The following HDAC4 variants were observed in gnomAD, a reference collection of about 807,000 sequenced individuals.
HDAC4 encodes histone deacetylase A.
A neutral mutation model predicts 135.1 loss-of-function variants in HDAC4; 16 were observed. The observed-to-expected ratio is 0.12, with a 90% confidence interval of 0.08 to 0.18. The LOEUF (loss-of-function observed/expected upper bound fraction) is 0.18. Ranked by LOEUF, HDAC4 falls within the 10% of genes least tolerant of loss-of-function variation. The probability of loss-of-function intolerance (pLI) is 1.00; values close to 1 mark genes in which losing one functional copy is unlikely to be tolerated. For missense variants in HDAC4, 1,143 were observed against 1,511.8 expected, an observed-to-expected ratio of 0.76 and a Z score of 4.05; for synonymous variants, 685 against 653.4, an observed-to-expected ratio of 1.05 and a Z score of -0.74.
intron 2 of HDAC4, among the ~76,000 whole-genome samples, chr2:239,337,273 G>A (rs1250192016): frequency 6.6e-6 from 1 of 152,172 alleles, no homozygotes; most frequent in Non-Finnish European, 1.5e-5. Flanking sequence ...GTGAGACTCA[G>A]CTGTACTCAC....
rs2040218265 is a variant in HDAC4 at position 239,126,748 on chromosome 2, G to C, written c.1295-54C>G. On this transcript the variant is annotated intron_variant, in intron 11 of 26. Coordinates refer to ENST00000543185, the MANE Select transcript of HDAC4 (RefSeq NM_001378414.1). Reference sequence around the variant, plus strand: ...GAGGGGAAGAGGAAGAAGAGAGGAGGGAGAGAGGGCTATTGAGTAAGTGAT... The same window carrying C: ...GAGGGGAAGAGGAAGAAGAGAGGAGCGAGAGAGGGCTATTGAGTAAGTGAT... 10 of 1,561,420 alleles carry C rather than the reference G, an allele frequency of 6.4e-6. No individual in the cohort carries two copies. In the East Asian group the frequency reaches 1.1e-4, roughly 17 times the overall value.
intron 2 of HDAC4, among the ~76,000 whole-genome samples, chr2:239,342,741 G>T (rs1354453979): frequency 6.6e-6 from 1 of 152,190 alleles, no homozygotes; most frequent in Non-Finnish European, 1.5e-5. Flanking sequence ...AGTACAGTGA[G>T]GGCTGAGGGA....
At chr2:239,378,987 A>G (rs1300624966) in intron 1 of HDAC4, among the ~76,000 whole-genome samples, 1 of 152,094 alleles carries the variant, frequency 6.6e-6, no homozygotes, top group Non-Finnish European at 1.5e-5. Flanking sequence ...CCGCTCACTC[A>G]CTGGCACACA....
In HDAC4 at chr2:239,308,667, TC is replaced by T. The variant is rs1439526088; in HGVS notation, c.22+44010del. On this transcript the variant is annotated intron_variant, in intron 2 of 26. Transcript: ENST00000543185. The surrounding 1 kb of genome is among the most constrained non-coding windows in gnomAD (Gnocchi z 4.2). ...CCAGGCAGAGTGTGGTTAACAGGCCTCCGGGTGTCCCCCCCTTCCAGCCCAG... is the reference window on the plus strand; with the variant it reads ...CCAGGCAGAGTGTGGTTAACAGGCCTCGGGTGTCCCCCCCTTCCAGCCCAG... Among the ~76,000 whole-genome samples, 1 of 147,856 alleles carries T rather than the reference TC, an allele frequency of 6.8e-6. No individual in the cohort carries two copies. The highest frequency in any genetic ancestry group is 1.5e-5 in the Non-Finnish European group (1 of 64,876).
chr2:239,282,660 CCCACTCTACAATGTACACA>C lies in HDAC4; in HGVS notation c.23-46015_23-45997del, dbSNP rs796786095. 4.8e-4 allele frequency among the ~76,000 whole-genome samples: 67 copies of C among 139,752 alleles called. 1 individual carries two copies. The South Asian group carries it at 8.2e-3, about 17-fold the overall frequency. 91.7% of individuals were successfully genotyped at this position (139,752 alleles called of 152,430 possible). Reference sequence around the variant, plus strand: ...ACACCACTCTACAAACAATGTACACCCCACTCTACAATGTACACACCACTCTACAATGTACACACCACTC... The same window carrying C: ...ACACCACTCTACAAACAATGTACACCCCACTCTACAATGTACACACCACTC... On this transcript the variant is annotated intron_variant, in intron 2 of 26. Transcript: ENST00000543185.
chr2:239,082,741 A>G (rs2152689682), intron 20 of HDAC4, among the ~76,000 whole-genome samples: 1 of 152,394 alleles, frequency 6.6e-6, no homozygotes, highest in African/African-American at 2.4e-5. Flanking sequence ...AGGCACACAC[A>G]GTACGGGGTC....
chr2:239,168,792 A>G (rs1575272343), intron 5 of HDAC4, among the ~76,000 whole-genome samples: 1 of 152,166 alleles, frequency 6.6e-6, no homozygotes, highest in Non-Finnish European at 1.5e-5. Flanking sequence ...ACAAGACCAC[A>G]CTCTGAGGGC....
chr2:239,261,303 A>T (rs995504878), intron 2 of HDAC4, among the ~76,000 whole-genome samples: 1 of 152,210 alleles, frequency 6.6e-6, no homozygotes, highest in Admixed American at 6.5e-5. Context: ...GAGCCCAGGT[A>T]ACACGCTAGA....
At chr2:239,291,962 C>T (rs528893806) in intron 2 of HDAC4, among the ~76,000 whole-genome samples, 28 of 152,354 alleles carry the variant, frequency 1.8e-4, no homozygotes, top group African/African-American at 6.0e-4. Flanking sequence ...ACTGATGGGG[C>T]AGGATGCTGG....
chr2:239,251,370 T>C (rs1029289478), intron 2 of HDAC4, among the ~76,000 whole-genome samples: 6 of 152,162 alleles, frequency 3.9e-5, no homozygotes, highest in Non-Finnish European at 8.8e-5. Context: ...GAGGCGGGAA[T>C]ATTGCTTGAG....
intron 5 of HDAC4, among the ~76,000 whole-genome samples, chr2:239,166,668 A>T (rs146872710): frequency 7.2e-5 from 11 of 152,366 alleles, no homozygotes; most frequent in African/African-American, 2.6e-4. Flanking sequence ...TTCCTAAAAG[A>T]TTATCAGCAA....
At chr2:239,079,577 G>A (rs1465528817) in intron 22 of HDAC4, among the ~76,000 whole-genome samples, 1 of 152,230 alleles carries the variant, frequency 6.6e-6, no homozygotes, top group Non-Finnish European at 1.5e-5. Context: ...GAGGGGTCTC[G>A]TGACTTATTC....
intron 22 of HDAC4, among the ~76,000 whole-genome samples, chr2:239,072,894 T>C (rs2034341724): frequency 6.6e-6 from 1 of 152,090 alleles, no homozygotes; most frequent in Admixed American, 6.5e-5. Flanking sequence ...AAACACCAGG[T>C]GAAGATCCCG....
rs561367681 is a variant in HDAC4 at position 239,331,842 on chromosome 2, G to A, written c.22+20836C>T. The stretch of plus-strand genomic sequence containing the variant: ...CGTGTCCTCCAGAGGCTGAGGAGCG[G>A]AGCAGCACCGGACGGCTCGGACCCT... On this transcript the variant is annotated intron_variant, in intron 2 of 26. Coordinates refer to ENST00000543185, the MANE Select transcript of HDAC4 (RefSeq NM_001378414.1). This position sits in a 1 kb window ranked among gnomAD's most constrained non-coding sequence, Gnocchi z 4.5. Among the ~76,000 whole-genome samples, 1 of 152,278 alleles carries A rather than the reference G, an allele frequency of 6.6e-6. No individual in the cohort carries two copies. The highest frequency in any genetic ancestry group is 1.9e-4 in the East Asian group (1 of 5,172).
At chr2:239,297,967 T>C (rs1268495804) in intron 2 of HDAC4, among the ~76,000 whole-genome samples, 1 of 152,132 alleles carries the variant, frequency 6.6e-6, no homozygotes, top group Non-Finnish European at 1.5e-5. Flanking sequence ...CCGCGGCTGC[T>C]AAGTGCCTCT....
chr2:239,242,101 G>T (rs1430169835), intron 2 of HDAC4, among the ~76,000 whole-genome samples: 1 of 143,454 alleles, frequency 7.0e-6, no homozygotes, highest in African/African-American at 2.6e-5. Flanking sequence ...AAGGAAGGAA[G>T]GAGAAAAAAA....
chr2:239,192,136 A>G (rs1209644575), intron 3 of HDAC4, among the ~76,000 whole-genome samples: 1 of 152,124 alleles, frequency 6.6e-6, no homozygotes, highest in African/African-American at 2.4e-5. Context: ...TGCGTGTTCA[A>G]TGTGCGGAAG....
At chr2:239,264,236 C>T (rs2049570405) in intron 2 of HDAC4, among the ~76,000 whole-genome samples, 1 of 152,152 alleles carries the variant, frequency 6.6e-6, no homozygotes, top group Admixed American at 6.5e-5. Flanking sequence ...TCTTTCTGCT[C>T]GGGCCGCCCC....
At chr2:239,095,558 A>G (rs944313842) in intron 16 of HDAC4, among the ~76,000 whole-genome samples, 1 of 152,134 alleles carries the variant, frequency 6.6e-6, no homozygotes, top group African/African-American at 2.4e-5. Flanking sequence ...ATCCTCGGGA[A>G]TGTATGCAGC....
Sources: allele counts gnomAD v4.1 joint callset (sites outside exome capture counted in the v4.1 genomes callset), GRCh38; gene constraint gnomAD v4.1.1; non-coding constraint Gnocchi (gnomAD v3.1); transcripts MANE v1.5; gene names NCBI Gene and HGNC (gene_info 2026-07-23, HGNC 2026-07-21).